GOLM1: variants seen among roughly 807,000 people sequenced by gnomAD.
The protein encoded by GOLM1 is golgi membrane protein 1, also known as epididymis luminal protein 46.
Under a neutral mutation model 50.5 loss-of-function variants are expected in GOLM1, and 31 were observed. The ratio of observed to expected loss-of-function variants is 0.61; its 90% confidence interval spans 0.46 to 0.83. The LOEUF is 0.83. Among genes scored for constraint, GOLM1 ranks in the 40% least tolerant of loss-of-function variants. GOLM1 has a pLI of 0.00. For missense variants in GOLM1, 491 were observed against 501.3 expected (o/e 0.98, Z 0.20); for synonymous variants, 178 against 192.8 (o/e 0.92, Z 0.64).
At chr9:86,036,279 C>T (rs1833141826) in intron 7 of GOLM1, 69 bp downstream of exon 7, 10 of 1,528,682 alleles carry the variant, frequency 6.5e-6, no homozygotes, top group East Asian at 4.5e-5. Flanking sequence ...CTCAGCAGCT[C>T]GCTGGGACTG....
intron 1 of GOLM1, among the ~76,000 whole-genome samples, chr9:86,086,001 G>T (rs1472219747): frequency 6.6e-6 from 1 of 152,204 alleles, no homozygotes; most frequent in African/African-American, 2.4e-5. Context: ...TAATGGGATT[G>T]CTGGGTCAAA....
chr9:86,035,303 C>T, intron 8 of GOLM1, 65 bp downstream of exon 8: 12 of 1,580,344 alleles, frequency 7.6e-6, no homozygotes, highest in Admixed American at 3.5e-5. Context: ...CTGGGAAGGA[C>T]ATGGAGGTGG....
At chr9:86,053,606 A>G (rs1564347435) in intron 3 of GOLM1, among the ~76,000 whole-genome samples, 9 of 4,470 alleles carry the variant, frequency 2.0e-3, no homozygotes, top group South Asian at 8.5e-3. Context: ...CCACACACAC[A>G]TCACACACCA....
intron 7 of GOLM1, 46 bp from the exon 8 acceptor site, chr9:86,035,671 TAA>T (rs375193474): frequency 0.1 from 86,251 of 838,418 alleles, 1 homozygote; most frequent in East Asian, 0.13. Flanking sequence ...GCATTTGATT[TAA>T]AAAAAAAAAA....
At chr9:86,052,476 G>C in intron 4 of GOLM1, 61 bp downstream of exon 4, 1 of 1,426,532 alleles carries the variant, frequency 7.0e-7, no homozygotes, top group South Asian at 1.1e-5. Context: ...TAGAGAAGGA[G>C]AGAAAGGGAG....
At chr9:86,095,890 G>A (rs183750266) in intron 1 of GOLM1, among the ~76,000 whole-genome samples, 5 of 152,322 alleles carry the variant, frequency 3.3e-5, no homozygotes, top group South Asian at 2.1e-4. Flanking sequence ...CTTCCTTAGC[G>A]GTACTGTTGA....
At chr9:86,057,445 G>A (rs966795621) in intron 3 of GOLM1, among the ~76,000 whole-genome samples, 1 of 152,034 alleles carries the variant, frequency 6.6e-6, no homozygotes, top group African/African-American at 2.4e-5. Flanking sequence ...AAACAGGAGT[G>A]CTTTATGGTC....
At chr9:86,030,255 G>C (rs756230472) in intron 9 of GOLM1, among the ~76,000 whole-genome samples, 4 of 145,584 alleles carry the variant, frequency 2.7e-5, no homozygotes, top group African/African-American at 5.1e-5. Flanking sequence ...ATAGAAGTAA[G>C]ACAGTGACCA....
chr9:86,059,883 C>A (rs1834104605), intron 3 of GOLM1, among the ~76,000 whole-genome samples: 1 of 123,192 alleles, frequency 8.1e-6, no homozygotes. Context: ...CCGGGTGACA[C>A]AGTGTGAGTC....
intron 9 of GOLM1, among the ~76,000 whole-genome samples, chr9:86,032,106 C>T (rs1833005852): frequency 6.6e-6 from 1 of 152,036 alleles, no homozygotes; most frequent in Non-Finnish European, 1.5e-5. Context: ...ACTCAACTCC[C>T]CCATGACTCT....
intron 3 of GOLM1, among the ~76,000 whole-genome samples, chr9:86,057,458 A>G (rs1348629812): frequency 6.6e-6 from 1 of 151,900 alleles, no homozygotes; most frequent in Non-Finnish European, 1.5e-5. Context: ...TTATGGTCTG[A>G]GAGGAGTGTT....
intron 1 of GOLM1, among the ~76,000 whole-genome samples, chr9:86,081,222 G>A (rs181819030): frequency 7.0e-4 from 100 of 142,778 alleles, no homozygotes; most frequent in African/African-American, 2.4e-3. Flanking sequence ...TTGAGACGGA[G>A]TTTCGCTCTT....
chr9:86,072,897 C>T (rs1834491271), intron 3 of GOLM1, among the ~76,000 whole-genome samples: 1 of 151,840 alleles, frequency 6.6e-6, no homozygotes, highest in South Asian at 2.1e-4. Flanking sequence ...GGCCTTGTAA[C>T]ACAGTGGTAA....
intron 1 of GOLM1, among the ~76,000 whole-genome samples, chr9:86,098,166 A>G (rs1043059829): frequency 2.6e-5 from 4 of 152,224 alleles, no homozygotes; most frequent in African/African-American, 9.6e-5. Context: ...CTAACAATTC[A>G]ATTTTTGTTC....
intron 1 of GOLM1, among the ~76,000 whole-genome samples, chr9:86,090,101 G>A (rs1429679570): frequency 6.6e-6 from 1 of 152,118 alleles, no homozygotes; most frequent in Non-Finnish European, 1.5e-5. Context: ...ATTGCTGCCT[G>A]TTCCTTCCTC....
At chr9:86,048,987 T>C (rs980273306) in intron 4 of GOLM1, among the ~76,000 whole-genome samples, 1 of 152,236 alleles carries the variant, frequency 6.6e-6, no homozygotes, top group Non-Finnish European at 1.5e-5. Context: ...TAAGTTTTCT[T>C]CTAGAGTTTT....
chr9:86,053,527 C>T (rs1202136309), intron 3 of GOLM1, among the ~76,000 whole-genome samples: 2 of 150,994 alleles, frequency 1.3e-5, no homozygotes, highest in Non-Finnish European at 3.0e-5. Context: ...CAACACACCA[C>T]TCCACACCAA....
At chr9:86,085,329 T>C (rs978174423) in intron 1 of GOLM1, among the ~76,000 whole-genome samples, 1 of 152,204 alleles carries the variant, frequency 6.6e-6, no homozygotes, top group African/African-American at 2.4e-5. Flanking sequence ...GGTGTTCATC[T>C]TATTGATTTG....
intron 3 of GOLM1, among the ~76,000 whole-genome samples, chr9:86,060,869 A>ACT (rs1398838707): frequency 1.4e-3 from 159 of 112,864 alleles, no homozygotes; most frequent in African/African-American, 4.7e-3. Context: ...CAAGAGCGAA[A>ACT]CTCTCTCAAA....
Sources: gnomAD v4.1 joint callset for allele counts (sites outside exome capture counted in the v4.1 genomes callset) on GRCh38, gnomAD v4.1.1 for gene constraint, MANE v1.5 for transcripts, NCBI Gene and HGNC (gene_info 2026-07-23, HGNC 2026-07-21) for gene names.